The following MAP2K4 variants were observed in gnomAD, a reference collection of about 807,000 sequenced individuals.
The protein encoded by MAP2K4 is dual specificity mitogen-activated protein kinase kinase 4.
A neutral mutation model predicts 48.5 loss-of-function variants in MAP2K4; 4 were observed. The observed-to-expected ratio is 0.08, with a 90% CI of 0.04 to 0.19. The LOEUF is 0.19. MAP2K4 is among the 10% of genes least tolerant of loss of function. MAP2K4 has a pLI of 1.00. For missense variants in MAP2K4, 258 were observed against 493.3 expected (o/e 0.52, Z 4.52); for synonymous variants, 166 against 173.1 (o/e 0.96, Z 0.32).
Position 12,101,957 on chromosome 17 carries a change from G to A in MAP2K4, c.514-5833G>A, listed in dbSNP as rs146100827. ...TCATCATTTTGTCTGTGAATAAAGA[G>A]AGTTACTCCTTTCTTTCCCAATTAG... On this transcript the variant is annotated intron_variant, in intron 4 of 10. Transcript: ENST00000353533. Among the ~76,000 whole-genome samples the A allele has an allele frequency of 5.8e-3, 885 of 152,114 alleles. 1 individual carries two copies. The highest frequency in any genetic ancestry group is 9.5e-3 in the South Asian group (46 of 4,820).
In MAP2K4 at chr17:12,143,800, A is replaced by G. The variant is rs952786535; in HGVS notation, c.*2540A>G. The G allele has an allele frequency of 4.4e-6, 1 of 226,210 alleles. No individual in the cohort carries two copies. Among genetic ancestry groups the G allele is most frequent in the African/African-American group, 2.2e-5 (1 of 45,104 alleles). The allele number at this position is 226,210 out of a possible 1,614,324, so 14.0% of individuals were successfully genotyped here. On this transcript the variant is annotated 3_prime_UTR_variant, in exon 11 of 11. Coordinates refer to ENST00000353533, the MANE Select transcript of MAP2K4 (RefSeq NM_003010.4). Reference sequence around the variant, plus strand: ...AAAATCTTAAAGTAAATTACATTAAATTATCTGTGCATTTCACACCAGGGA... The same window carrying G: ...AAAATCTTAAAGTAAATTACATTAAGTTATCTGTGCATTTCACACCAGGGA...
chr17:12,036,858 A>G (rs1044374484), intron 1 of MAP2K4, among the ~76,000 whole-genome samples: 1 of 151,794 alleles, frequency 6.6e-6, no homozygotes, highest in Non-Finnish European at 1.5e-5. Flanking sequence ...TATTTTTCAC[A>G]CAAAGGTGCT....
chr17:12,135,340 T>TC (rs1196191274), intron 9 of MAP2K4, among the ~76,000 whole-genome samples: 5 of 152,176 alleles, frequency 3.3e-5, no homozygotes, highest in African/African-American at 1.2e-4. Flanking sequence ...TGCCTCGGCC[T>TC]CCCAAAGTGT....
At chr17:12,095,542 GT>G (rs759720061) in intron 3 of MAP2K4, 32 bp from the exon 4 acceptor site, 8 of 1,612,046 alleles carry the variant, frequency 5.0e-6, no homozygotes, top group Middle Eastern at 3.3e-4. Context: ...AAATTATTGT[GT>G]TTTTTTGACA....
In MAP2K4 at chr17:12,046,852, T is replaced by C. The variant is rs187873205; in HGVS notation, c.116-8037T>C. On this transcript the variant is annotated intron_variant, in intron 1 of 10. Coordinates refer to ENST00000353533, the MANE Select transcript of MAP2K4 (RefSeq NM_003010.4). The stretch of plus-strand genomic sequence containing the variant: ...TTAAATTTTTTTTTTCCTTGTTAGA[T>C]GAGCAGCTTGGAAGCGAGTTTTGGG... Among the ~76,000 whole-genome samples, 11 of 152,248 alleles carry C rather than the reference T, an allele frequency of 7.2e-5. No homozygotes were observed. In the East Asian group the frequency reaches 1.9e-3, roughly 27 times the overall value.
rs530090732 is a variant in MAP2K4, at chr17:12,141,182, C to T, written c.1122C>T (p.Ala374=). The change falls in exon 11 of 11, where the codon GCC becomes GCT. Residue 374 remains alanine (A), a synonymous_variant. Transcript: ENST00000353533. ...HPFILMYEER[A]VEVACYVCKI... ...TTATTTTGATGTATGAAGAACGTGCCGTTGAGGTCGCATGCTATGTTTGTA... is the reference window on the plus strand; with the variant it reads ...TTATTTTGATGTATGAAGAACGTGCTGTTGAGGTCGCATGCTATGTTTGTA... 1.5e-4 allele frequency: 247 copies of T among 1,613,528 alleles called. No individual in the cohort carries two copies. Among genetic ancestry groups the T allele is most frequent in the South Asian group, 1.2e-3 (113 of 91,052 alleles).
chr17:12,095,732 C>CA, intron 4 of MAP2K4, 38 bp downstream of exon 4: 1 of 1,598,640 alleles, frequency 6.3e-7, no homozygotes, highest in Non-Finnish European at 8.5e-7. Flanking sequence ...TAATGAATAT[C>CA]TAATTGGGAC....
intron 9 of MAP2K4, among the ~76,000 whole-genome samples, chr17:12,130,057 C>T (rs1325096873): frequency 3.3e-5 from 5 of 152,168 alleles, no homozygotes; most frequent in Admixed American, 2.0e-4. Flanking sequence ...AGCCTCAGAG[C>T]ATTTTGTGTA....
intron 7 of MAP2K4, among the ~76,000 whole-genome samples, chr17:12,122,851 T>G (rs1972735206): frequency 6.6e-6 from 1 of 152,198 alleles, no homozygotes; most frequent in Non-Finnish European, 1.5e-5. Flanking sequence ...TTAGTGGGTT[T>G]TACATTTTGT....
At chr17:12,059,838 T>C (rs1970394515) in intron 2 of MAP2K4, among the ~76,000 whole-genome samples, 1 of 152,232 alleles carries the variant, frequency 6.6e-6, no homozygotes, top group Non-Finnish European at 1.5e-5. Flanking sequence ...TCTTCTTCTC[T>C]TGGTTAAATT....
chr17:12,096,067 TCCCCCCCCCCCCC>T (rs570546554), intron 4 of MAP2K4, among the ~76,000 whole-genome samples: 483 of 23,784 alleles, frequency 0.02, 137 homozygotes, highest in African/African-American at 0.059. Context: ...GAGCAACGCC[TCCCCCCCCCCCCC>T]CCCCCCCCGC....
chr17:12,095,895 TTGTGTGTGTGTGTG>T (rs71947375), intron 4 of MAP2K4, among the ~76,000 whole-genome samples: 2,257 of 147,396 alleles, frequency 0.015, 27 homozygotes, highest in Non-Finnish European at 0.022. Context: ...ACACGTGTGT[TTGTGTGTGTGTGTG>T]TGTGTGTGTG....
At chr17:12,115,435 C>T in intron 7 of MAP2K4, 1 of 483,766 alleles carries the variant, frequency 2.1e-6, no homozygotes, top group South Asian at 1.8e-5. Context: ...TGTTACTGTA[C>T]TAAATACTGT....
At chr17:12,122,461 T>C (rs938683235) in intron 7 of MAP2K4, among the ~76,000 whole-genome samples, 2 of 152,238 alleles carry the variant, frequency 1.3e-5, no homozygotes, top group Non-Finnish European at 2.9e-5. Context: ...AGAATACTGT[T>C]ATTGGGAGTG....
At chr17:12,028,220 A>G (rs1224793788) in intron 1 of MAP2K4, among the ~76,000 whole-genome samples, 1 of 152,228 alleles carries the variant, frequency 6.6e-6, no homozygotes, top group Non-Finnish European at 1.5e-5. Context: ...GCCAAAGAAT[A>G]AATAAGGTGG....
intron 4 of MAP2K4, among the ~76,000 whole-genome samples, chr17:12,105,555 A>G (rs928466876): frequency 2.0e-5 from 3 of 151,988 alleles, no homozygotes; most frequent in Non-Finnish European, 2.9e-5. Context: ...TTTTCCCCCA[A>G]TAAACCCACA....
intron 1 of MAP2K4, among the ~76,000 whole-genome samples, chr17:12,040,128 A>C (rs1227096317): frequency 6.6e-6 from 1 of 152,178 alleles, no homozygotes; most frequent in Non-Finnish European, 1.5e-5. Flanking sequence ...TGTGATCCAT[A>C]TAGTGTAAAG....
chr17:12,077,482 G>A (rs1014039893), intron 2 of MAP2K4, among the ~76,000 whole-genome samples: 1 of 152,160 alleles, frequency 6.6e-6, no homozygotes, highest in Admixed American at 6.5e-5. Flanking sequence ...AGAAAAGTCC[G>A]GAGATAAGCA....
intron 4 of MAP2K4, among the ~76,000 whole-genome samples, chr17:12,095,908 TG>T: frequency 6.8e-6 from 1 of 146,292 alleles, no homozygotes; most frequent in Non-Finnish European, 1.5e-5. Context: ...TGTGTGTGTG[TG>T]TGTGTGTGTG....
Sources: allele counts gnomAD v4.1 joint callset (sites outside exome capture counted in the v4.1 genomes callset), GRCh38; gene constraint gnomAD v4.1.1; transcripts MANE v1.5; gene names NCBI Gene and HGNC (gene_info 2026-07-23, HGNC 2026-07-21).